GNB5: variants seen among roughly 807,000 people sequenced by gnomAD.
The protein encoded by GNB5 is guanine nucleotide-binding protein subunit beta-5.
A neutral mutation model predicts 55.3 loss-of-function variants in GNB5; 37 were observed. That is an observed-to-expected ratio of 0.67 (90% CI 0.51 to 0.88). GNB5 has a LOEUF of 0.88. Ranked by LOEUF, GNB5 falls within the 40% of genes least tolerant of loss-of-function variation. The probability of loss-of-function intolerance (pLI) is 0.00; values close to 1 mark genes in which losing one functional copy is unlikely to be tolerated. For synonymous variants in GNB5, 219 were observed against 198.5 expected (o/e 1.10, Z -0.87); for missense variants, 476 against 515.3 (o/e 0.92, Z 0.74).
At chr15:52,175,194 T>C (rs1026688638) in intron 3 of GNB5, among the ~76,000 whole-genome samples, 1 of 152,146 alleles carries the variant, frequency 6.6e-6, no homozygotes, top group African/African-American at 2.4e-5. Context: ...CTGGGCCACC[T>C]ATATAGCAAC....
chr15:52,126,009 A>C lies in GNB5; in HGVS notation c.948T>G (p.Val316=). Residue 316 remains valine (V), a synonymous_variant, in exon 11 of 13, where the codon GTT becomes GTG. Coordinates refer to ENST00000261837, the MANE Select transcript of GNB5 (RefSeq NM_016194.4). ...TGATGCTTTCTTTGGAATAGATGGC[A>C]ACCTCCCTATCTGCCCGCAGGTCAT... is the stretch of plus-strand genomic sequence containing the variant. ...RLYDLRADRE[V]AIYSKESIIF... 6.3e-7 allele frequency: 1 copy of C among 1,588,334 alleles called. No homozygotes were observed. The highest frequency in any genetic ancestry group is 8.6e-7 in the Non-Finnish European group (1 of 1,159,006).
chr15:52,149,606 G>C (rs1441937337), intron 5 of GNB5: 3 of 591,056 alleles, frequency 5.1e-6, no homozygotes, highest in East Asian at 5.5e-5. Flanking sequence ...ACATGTGGTT[G>C]CAAGTTTTCC....
At position 52,179,856 on chromosome 15, in the gene GNB5, C is replaced by A; in HGVS notation, c.150G>T (p.Glu50Asp). The change falls in exon 3 of 13, where the codon GAG becomes GAT. Residue 50 changes from glutamate to aspartate, a missense_variant. Transcript: ENST00000261837. ...TCTTCAGCGACGCCAGCGTCTCGTT[C>A]TCGTGCAGCCCCTCGGTTGCCATCT... ...AEIMATEGLH[E>D]NETLASLKSE... 1 of 1,550,908 alleles carries A rather than the reference C, an allele frequency of 6.4e-7. No individual in the cohort carries two copies. Among genetic ancestry groups the A allele is most frequent in the Non-Finnish European group, 8.7e-7 (1 of 1,149,790 alleles).
intron 7 of GNB5, among the ~76,000 whole-genome samples, chr15:52,136,172 A>ACACCCC (rs1168734914): frequency 2.4e-4 from 24 of 100,118 alleles, no homozygotes; most frequent in African/African-American, 1.0e-3. Flanking sequence ...ACACACACAC[A>ACACCCC]CCCTACCTGC....
intron 3 of GNB5, among the ~76,000 whole-genome samples, 169 bp downstream of exon 3, chr15:52,179,599 G>A (rs1433505521): frequency 2.0e-5 from 3 of 151,484 alleles, no homozygotes. Context: ...GATCGGGACC[G>A]CTACCCGCGC....
chr15:52,180,095 C>T (rs1259986243), intron 2 of GNB5: 2 of 412,728 alleles, frequency 4.8e-6, no homozygotes, highest in Non-Finnish European at 7.7e-6. Context: ...GCGATGTCCG[C>T]GTCAGCCTCT....
Position 52,134,318 on chromosome 15 carries a change from C to CTGG in GNB5, c.772-852_772-850dup, listed in dbSNP as rs200457670. Among the ~76,000 whole-genome samples the CTGG allele has an allele frequency of 3.6e-3, 546 of 152,278 alleles. 4 individuals are homozygous for CTGG. The highest frequency in any genetic ancestry group is 0.012 in the African/African-American group (518 of 41,566). On this transcript the variant is annotated intron_variant, in intron 8 of 12. Coordinates refer to ENST00000261837, the MANE Select transcript of GNB5 (RefSeq NM_016194.4). Reference sequence around the variant, plus strand: ...ACAGCTAAAAAGTAACAGCTTAAAACTGGTGTCTAAGTTGTTGGTTTCAAC... The same window carrying CTGG: ...ACAGCTAAAAAGTAACAGCTTAAAACTGGTGGTGTCTAAGTTGTTGGTTTCAAC...
intron 7 of GNB5, chr15:52,139,703 C>T (rs535304521): frequency 2.6e-6 from 2 of 781,736 alleles, no homozygotes; most frequent in South Asian, 3.9e-5. Flanking sequence ...CCTCCAGAGC[C>T]ACCCTTGACC....
Position 52,124,598 on chromosome 15 carries a change from C to T in GNB5, c.1051G>A (p.Val351Ile), listed in dbSNP as rs1387455011. Residue 351 changes from valine (V) to isoleucine (I), a missense_variant, in exon 12 of 13, where the codon GTC becomes ATC. Physicochemically the swap from Val to Ile is conservative, Grantham distance 29. Transcript: ENST00000261837. ...FAGYNDYTIN[V>I]WDVLKGSRVS... is the part of the protein sequence containing the mutation. Reference sequence around the variant, plus strand: ...CGGGACCCTTTGAGAACATCCCAGACGTTGATAGTGTAATCATTGTATCCA... The same window carrying T: ...CGGGACCCTTTGAGAACATCCCAGATGTTGATAGTGTAATCATTGTATCCA... The T allele has an allele frequency of 8.1e-6, 13 of 1,613,948 alleles. No homozygotes were observed. The highest frequency in any genetic ancestry group is 2.2e-5 in the East Asian group (1 of 44,898).
chr15:52,160,802 C>A (rs1431892035), intron 3 of GNB5, among the ~76,000 whole-genome samples: 2 of 152,096 alleles, frequency 1.3e-5, no homozygotes, highest in African/African-American at 4.8e-5. Flanking sequence ...AGCTGCCACA[C>A]CCAGCCTATC....
intron 3 of GNB5, among the ~76,000 whole-genome samples, chr15:52,168,842 T>A (rs1467571940): frequency 6.6e-6 from 1 of 152,182 alleles, no homozygotes; most frequent in African/African-American, 2.4e-5. Flanking sequence ...TGATCTTTGA[T>A]GAACCTGACA....
Position 52,133,472 on chromosome 15 carries a change from A to T in GNB5, c.772-3T>A. On this transcript the variant is annotated splice_region_variant and splice_polypyrimidine_tract_variant and intron_variant, in intron 8 of 12. Coordinates refer to ENST00000261837, the MANE Select transcript of GNB5 (RefSeq NM_016194.4). ...ACCATGGCTTTCTTGTCACATCCCT[A>T]CAAATGAAAATTAGCCAGAGTTATG... 1 of 1,603,920 alleles carries T rather than the reference A, an allele frequency of 6.2e-7. No individual in the cohort carries two copies. Among genetic ancestry groups the T allele is most frequent in the South Asian group, 1.1e-5 (1 of 90,852 alleles).
At chr15:52,145,296 C>T (rs1304261764) in intron 6 of GNB5, among the ~76,000 whole-genome samples, 2 of 151,926 alleles carry the variant, frequency 1.3e-5, no homozygotes, top group Middle Eastern at 3.2e-3. Context: ...TAAATACTGG[C>T]ATCCATCTAT....
At chr15:52,157,700 AGAT>A (rs1013092888) in intron 3 of GNB5, among the ~76,000 whole-genome samples, 5 of 152,196 alleles carry the variant, frequency 3.3e-5, no homozygotes, top group African/African-American at 1.2e-4. Context: ...TTAATAAAAA[AGAT>A]GATTCACCCA....
rs116061668 is a variant in GNB5, at chr15:52,165,617, A to T, written c.239-11541T>A. Among the ~76,000 whole-genome samples the T allele has an allele frequency of 9.5e-3, 1,445 of 152,328 alleles. 25 individuals are homozygous for T. Among genetic ancestry groups the T allele is most frequent in the African/African-American group, 0.033 (1,387 of 41,566 alleles). On this transcript the variant is annotated intron_variant, in intron 3 of 12. Transcript: ENST00000261837. ...CCAAGCTAAGCTTCATAAGCAAAGA[A>T]GAAACAAGATCTTTTTCAGACAAGC... is the stretch of plus-strand genomic sequence containing the variant.
intron 8 of GNB5, 53 bp downstream of exon 8, chr15:52,135,560 T>C: frequency 6.6e-7 from 1 of 1,512,470 alleles, no homozygotes; most frequent in Non-Finnish European, 9.2e-7. Flanking sequence ...ACTGCCACCA[T>C]AAGCCTCCTT....
At chr15:52,149,242 A>G (rs2034040915) in intron 5 of GNB5, 1 of 152,750 alleles carries the variant, frequency 6.5e-6, no homozygotes, top group Non-Finnish European at 1.5e-5. Context: ...TTCATAGCAT[A>G]AAGGAAGGCT....
chr15:52,153,818 C>A, intron 4 of GNB5, 122 bp downstream of exon 4: 8 of 797,110 alleles, frequency 1.0e-5, no homozygotes, highest in Non-Finnish European at 1.6e-5. Flanking sequence ...TAAATCACAT[C>A]CTTTGGAGAA....
At position 52,160,581 on chromosome 15, in the gene GNB5, A is replaced by G. The variant is rs907793726; in HGVS notation, c.239-6505T>C. ...GTTTTGTCTTGATTGCCTTTTATAGAATTATAGAAGTAAATGCATATTCAT... is the reference window on the plus strand; with the variant it reads ...GTTTTGTCTTGATTGCCTTTTATAGGATTATAGAAGTAAATGCATATTCAT... On this transcript the variant is annotated intron_variant, in intron 3 of 12. Coordinates refer to ENST00000261837, the MANE Select transcript of GNB5 (RefSeq NM_016194.4). 1.7e-4 allele frequency among the ~76,000 whole-genome samples: 26 copies of G among 152,092 alleles called. 1 individual carries two copies. Among genetic ancestry groups the G allele is most frequent in the Admixed American group, 6.5e-5 (1 of 15,286 alleles).
Sources: allele counts gnomAD v4.1 joint callset (sites outside exome capture counted in the v4.1 genomes callset), GRCh38; gene constraint gnomAD v4.1.1; transcripts MANE v1.5; gene names NCBI Gene and HGNC (gene_info 2026-07-23, HGNC 2026-07-21).